KCNIP4: variants seen among roughly 807,000 people sequenced by gnomAD.
The protein encoded by KCNIP4 is potassium voltage-gated channel interacting protein 4.
Under a neutral mutation model 34.0 loss-of-function variants are expected in KCNIP4, and 12 were observed. That is an observed-to-expected ratio of 0.35 (90% CI 0.23 to 0.57). The LOEUF (loss-of-function observed/expected upper bound fraction) is 0.57. Among genes scored for constraint, KCNIP4 ranks in the 20% least tolerant of loss-of-function variants. The pLI, the probability that KCNIP4 is intolerant of heterozygous loss-of-function variation, is 0.83. For missense variants in KCNIP4, 238 were observed against 311.7 expected, an observed-to-expected ratio of 0.76 and a Z score of 1.78; for synonymous variants, 124 against 102.2, an observed-to-expected ratio of 1.21 and a Z score of -1.29.
intron 1 of KCNIP4, among the ~76,000 whole-genome samples, chr4:21,116,586 T>C (rs761166090): frequency 3.3e-5 from 5 of 152,228 alleles, no homozygotes; most frequent in Admixed American, 2.6e-4. Context: ...TCTATTGACC[T>C]GTGCATTTTT....
intron 1 of KCNIP4, among the ~76,000 whole-genome samples, chr4:20,963,367 TAATAA>T (rs1391655169): frequency 1.3e-4 from 20 of 151,478 alleles, no homozygotes; most frequent in African/African-American, 4.6e-4. Flanking sequence ...AAAGTATAAA[TAATAA>T]AATAACACAC....
intron 1 of KCNIP4, among the ~76,000 whole-genome samples, chr4:21,220,467 G>A (rs913203525): frequency 2.0e-5 from 3 of 152,090 alleles, no homozygotes; most frequent in Non-Finnish European, 2.9e-5. Context: ...TAAATGATGA[G>A]TTAATGGGTG....
At chr4:21,597,094 G>T (rs1246819622) in intron 1 of KCNIP4, among the ~76,000 whole-genome samples, 1 of 152,024 alleles carries the variant, frequency 6.6e-6, no homozygotes, top group Non-Finnish European at 1.5e-5. Flanking sequence ...ATATGGTTTG[G>T]CTGTGTCCCC....
chr4:21,570,475 G>A (rs1194242632), intron 1 of KCNIP4, among the ~76,000 whole-genome samples: 1 of 152,130 alleles, frequency 6.6e-6, no homozygotes, highest in Non-Finnish European at 1.5e-5. Flanking sequence ...GCTGTTTGTA[G>A]ACTATTTAAT....
intron 1 of KCNIP4, among the ~76,000 whole-genome samples, chr4:20,918,450 G>C (rs558972055): frequency 1.6e-4 from 25 of 152,142 alleles, no homozygotes; most frequent in African/African-American, 5.5e-4. Context: ...TGTCAAACCA[G>C]GCATATCTTT....
rs1444660489 is a variant in KCNIP4, at chr4:20,843,230, AATGAAG to A, written c.288+7307_288+7312del. Reference sequence around the variant, plus strand: ...GCCTGGATTTCTAAGTGACTGCATAAATGAAGGTAACATTTTTGTCAAAATAATCTC... The same window carrying A: ...GCCTGGATTTCTAAGTGACTGCATAAGTAACATTTTTGTCAAAATAATCTC... On this transcript the variant is annotated intron_variant, in intron 3 of 8. Coordinates refer to ENST00000382152, the MANE Select transcript of KCNIP4 (RefSeq NM_025221.6). Among the ~76,000 whole-genome samples, 3 of 152,134 alleles carry A rather than the reference AATGAAG, an allele frequency of 2.0e-5. No individual in the cohort carries two copies. The East Asian group carries it at 5.8e-4, about 29-fold the overall frequency.
chr4:20,978,427 T>C (rs574702738), intron 1 of KCNIP4, among the ~76,000 whole-genome samples: 1 of 152,322 alleles, frequency 6.6e-6, no homozygotes, highest in South Asian at 2.1e-4. Context: ...AACTTCTATT[T>C]ACCAAGCACT....
chr4:21,891,789 C>G (rs1407853362), intron 1 of KCNIP4, among the ~76,000 whole-genome samples: 1 of 152,112 alleles, frequency 6.6e-6, no homozygotes, highest in Non-Finnish European at 1.5e-5. Context: ...TTCTGAAATT[C>G]TACAATCAGA....
intron 1 of KCNIP4, among the ~76,000 whole-genome samples, chr4:21,926,681 C>T (rs1023375346): frequency 6.6e-6 from 1 of 152,062 alleles, no homozygotes; most frequent in Non-Finnish European, 1.5e-5. Flanking sequence ...AGGGTTGATC[C>T]CACCTCTCTC....
chr4:20,873,980 T>C (rs1723746609), intron 2 of KCNIP4, among the ~76,000 whole-genome samples: 1 of 152,208 alleles, frequency 6.6e-6, no homozygotes, highest in African/African-American at 2.4e-5. Context: ...TAACTCTTTG[T>C]GAAATGCACC....
intron 1 of KCNIP4, among the ~76,000 whole-genome samples, chr4:21,570,706 T>G (rs1740298933): frequency 6.6e-6 from 1 of 152,124 alleles, no homozygotes; most frequent in East Asian, 1.9e-4. Context: ...TAGAATAGAT[T>G]CACTTTTCCT....
chr4:20,840,233 A>G (rs921860355), intron 3 of KCNIP4, among the ~76,000 whole-genome samples: 1 of 152,142 alleles, frequency 6.6e-6, no homozygotes, highest in Admixed American at 6.6e-5. Context: ...TCCTCCAAAC[A>G]TTACCCCATG....
At chr4:21,152,826 G>A (rs1164958532) in intron 1 of KCNIP4, among the ~76,000 whole-genome samples, 1 of 152,176 alleles carries the variant, frequency 6.6e-6, no homozygotes, top group Non-Finnish European at 1.5e-5. Flanking sequence ...TGTGAACTAC[G>A]CATGCGTGGG....
chr4:21,831,201 C>T (rs981332191), intron 1 of KCNIP4, among the ~76,000 whole-genome samples: 1 of 151,348 alleles, frequency 6.6e-6, no homozygotes. Flanking sequence ...TGACATCAAA[C>T]AAGAAGAAAG....
At chr4:21,177,767 G>C (rs1754523670) in intron 1 of KCNIP4, among the ~76,000 whole-genome samples, 1 of 151,390 alleles carries the variant, frequency 6.6e-6, no homozygotes, top group Non-Finnish European at 1.5e-5. Context: ...AGAATGGCTT[G>C]AACCTGGGAG....
At chr4:20,839,394 C>T (rs1719452417) in intron 3 of KCNIP4, among the ~76,000 whole-genome samples, 1 of 151,210 alleles carries the variant, frequency 6.6e-6, no homozygotes, top group East Asian at 1.9e-4. Context: ...CTCTATATAT[C>T]TATACACATA....
chr4:21,022,314 T>G (rs867209666), intron 1 of KCNIP4, among the ~76,000 whole-genome samples: 14 of 152,244 alleles, frequency 9.2e-5, no homozygotes, highest in African/African-American at 4.8e-5. Flanking sequence ...ACACAGATGA[T>G]GTACATTTAT....
At chr4:21,442,717 G>C (rs1727597088) in intron 1 of KCNIP4, among the ~76,000 whole-genome samples, 1 of 151,996 alleles carries the variant, frequency 6.6e-6, no homozygotes, top group African/African-American at 2.4e-5. Context: ...GAGTGTCTCA[G>C]GGTTCAGCTC....
intron 1 of KCNIP4, among the ~76,000 whole-genome samples, chr4:20,981,359 C>A (rs1006741176): frequency 6.6e-6 from 1 of 152,136 alleles, no homozygotes; most frequent in African/African-American, 2.4e-5. Context: ...AAATTACATG[C>A]CCATTATATG....
Sources: allele counts gnomAD v4.1 joint callset (sites outside exome capture counted in the v4.1 genomes callset), GRCh38; gene constraint gnomAD v4.1.1; transcripts MANE v1.5; gene names NCBI Gene and HGNC (gene_info 2026-07-23, HGNC 2026-07-21).